The following SLC25A21 variants were observed in gnomAD, a reference collection of about 807,000 sequenced individuals.
SLC25A21 encodes mitochondrial 2-oxodicarboxylate carrier.
SLC25A21 carries 47 observed loss-of-function variants against 43.8 expected under a neutral mutation model. The observed-to-expected ratio is 1.07, with a 90% CI of 0.85 to 1.37. SLC25A21 has a LOEUF of 1.37. Ranked by LOEUF, SLC25A21 falls within the 40% of genes most tolerant of loss-of-function variation. The pLI, the probability that SLC25A21 is intolerant of heterozygous loss-of-function variation, is 0.00. For missense variants in SLC25A21, 352 were observed against 350.2 expected (o/e 1.00, Z -0.04); for synonymous variants, 131 against 121.3 (o/e 1.08, Z -0.52).
At chr14:37,021,650 G>A (rs1960987415) in intron 1 of SLC25A21, among the ~76,000 whole-genome samples, 1 of 151,860 alleles carries the variant, frequency 6.6e-6, no homozygotes, top group Admixed American at 6.6e-5. Flanking sequence ...ATCCCTGCTT[G>A]AGTTAGGTTG....
chr14:36,725,069 T>C (rs1283263006), intron 6 of SLC25A21: 1 of 152,322 alleles, frequency 6.6e-6, no homozygotes, highest in Non-Finnish European at 1.5e-5. Flanking sequence ...GTTAACACTT[T>C]ACTTGCAGGA....
At chr14:37,107,521 C>T (rs974373936) in intron 1 of SLC25A21, among the ~76,000 whole-genome samples, 1 of 151,974 alleles carries the variant, frequency 6.6e-6, no homozygotes, top group African/African-American at 2.4e-5. Flanking sequence ...TTAACATTTC[C>T]TATTTTTAAA....
At chr14:36,827,137 T>C (rs537651388) in intron 2 of SLC25A21, among the ~76,000 whole-genome samples, 1 of 152,244 alleles carries the variant, frequency 6.6e-6, no homozygotes, top group African/African-American at 2.4e-5. Flanking sequence ...TTTATGTTTG[T>C]TTCTCACTTC....
At chr14:36,772,483 T>C (rs1051396327) in intron 3 of SLC25A21, among the ~76,000 whole-genome samples, 3 of 152,214 alleles carry the variant, frequency 2.0e-5, no homozygotes, top group Non-Finnish European at 2.9e-5. Flanking sequence ...ATGTTTTATC[T>C]TTCATAGGAT....
At chr14:37,004,566 G>C (rs1960556386) in intron 1 of SLC25A21, among the ~76,000 whole-genome samples, 1 of 152,222 alleles carries the variant, frequency 6.6e-6, no homozygotes, top group African/African-American at 2.4e-5. Flanking sequence ...GTGCCACCAA[G>C]TGGCTAATGA....
intron 3 of SLC25A21, among the ~76,000 whole-genome samples, chr14:36,778,110 T>C (rs1212324036): frequency 2.6e-5 from 4 of 152,154 alleles, no homozygotes; most frequent in Admixed American, 2.6e-4. Context: ...ACCTCTTTGG[T>C]TACTCCTTCA....
chr14:36,710,111 G>A (rs960282554), intron 7 of SLC25A21, among the ~76,000 whole-genome samples: 39 of 152,140 alleles, frequency 2.6e-4, no homozygotes, highest in South Asian at 4.1e-4. Context: ...TTGGCTGGGC[G>A]TGGTGGCTCA....
intron 1 of SLC25A21, among the ~76,000 whole-genome samples, chr14:36,970,214 T>C (rs930854655): frequency 2.0e-5 from 3 of 152,174 alleles, no homozygotes; most frequent in Non-Finnish European, 2.9e-5. Flanking sequence ...TCTGTGACCA[T>C]CAGTTGAACA....
chr14:37,082,069 C>A (rs1033360584), intron 1 of SLC25A21, among the ~76,000 whole-genome samples: 8 of 152,160 alleles, frequency 5.3e-5, no homozygotes, highest in African/African-American at 1.9e-4. Flanking sequence ...GGAATGAAAT[C>A]ATGTCCTTTG....
intron 1 of SLC25A21, among the ~76,000 whole-genome samples, chr14:36,902,877 C>A (rs1177314285): frequency 1.3e-5 from 2 of 151,972 alleles, no homozygotes; most frequent in African/African-American, 4.8e-5. Flanking sequence ...CCCAGATACT[C>A]AAGAGACTGA....
intron 3 of SLC25A21, among the ~76,000 whole-genome samples, chr14:36,784,221 T>A (rs1046853954): frequency 6.6e-6 from 1 of 152,202 alleles, no homozygotes; most frequent in Admixed American, 6.5e-5. Context: ...CATAATTCAA[T>A]TGACACATTT....
chr14:36,769,195 C>A (rs1377135105), intron 3 of SLC25A21, among the ~76,000 whole-genome samples: 1 of 152,166 alleles, frequency 6.6e-6, no homozygotes, highest in Non-Finnish European at 1.5e-5. Flanking sequence ...CACGGGGCTC[C>A]TCCTCAGATA....
intron 1 of SLC25A21, among the ~76,000 whole-genome samples, chr14:37,028,020 A>C (rs1243350350): frequency 6.6e-6 from 1 of 152,178 alleles, no homozygotes; most frequent in Non-Finnish European, 1.5e-5. Flanking sequence ...TTAGTATCTA[A>C]ACTAAGAAAA....
intron 3 of SLC25A21, among the ~76,000 whole-genome samples, chr14:36,765,535 G>C (rs1380963088): frequency 6.6e-6 from 1 of 152,220 alleles, no homozygotes; most frequent in African/African-American, 2.4e-5. Context: ...ATGGTTGCCA[G>C]AGAGAGAAGC....
chr14:36,875,282 A>C (rs1433695035), intron 1 of SLC25A21, among the ~76,000 whole-genome samples: 1 of 152,152 alleles, frequency 6.6e-6, no homozygotes, highest in Admixed American at 6.5e-5. Context: ...AGACGTGCTA[A>C]TTCAAATCAA....
chr14:36,950,279 A>G (rs1481967095), intron 1 of SLC25A21, among the ~76,000 whole-genome samples: 1 of 152,138 alleles, frequency 6.6e-6, no homozygotes, highest in African/African-American at 2.4e-5. Flanking sequence ...GTGCCCCCCA[A>G]TTCATAGGTT....
chr14:36,959,449 T>C (rs1211624836), intron 1 of SLC25A21, among the ~76,000 whole-genome samples: 3 of 152,194 alleles, frequency 2.0e-5, no homozygotes, highest in Admixed American at 6.5e-5. Context: ...CACCTGCTTT[T>C]ACAACCTGAG....
intron 7 of SLC25A21, among the ~76,000 whole-genome samples, chr14:36,687,943 G>A (rs138848287): frequency 1.6e-4 from 25 of 152,228 alleles, no homozygotes; most frequent in Non-Finnish European, 2.4e-4. Context: ...TCCTGGATGC[G>A]CAGAGAATAA....
At chr14:36,681,707 C>CTTAG (rs940864778) in intron 9 of SLC25A21, among the ~76,000 whole-genome samples, 5 of 151,810 alleles carry the variant, frequency 3.3e-5, no homozygotes, top group African/African-American at 1.2e-4. Context: ...TGATTTGGGT[C>CTTAG]TTAGTTATTT....
Sources: gnomAD v4.1 joint callset for allele counts (sites outside exome capture counted in the v4.1 genomes callset) on GRCh38, gnomAD v4.1.1 for gene constraint, MANE v1.5 for transcripts, NCBI Gene and HGNC (gene_info 2026-07-23, HGNC 2026-07-21) for gene names.